The following METAP1 variants were observed in gnomAD, a reference collection of about 807,000 sequenced individuals.
METAP1 encodes methionine aminopeptidase 1.
METAP1 carries 28 observed loss-of-function variants against 53.8 expected under a neutral mutation model. The ratio of observed to expected loss-of-function variants is 0.52; its 90% CI spans 0.39 to 0.71. The LOEUF (loss-of-function observed/expected upper bound fraction) is 0.71. Among genes scored for constraint, METAP1 ranks in the 30% least tolerant of loss-of-function variants. The pLI is 0.00. For synonymous variants in METAP1, 181 were observed against 165.7 expected, an observed-to-expected ratio of 1.09 and a Z score of -0.71; for missense variants, 389 against 479.8, an observed-to-expected ratio of 0.81 and a Z score of 1.77.
chr4:99,043,721 G>A (rs1036255410), intron 7 of METAP1, among the ~76,000 whole-genome samples: 3 of 152,102 alleles, frequency 2.0e-5, no homozygotes, highest in African/African-American at 4.8e-5. Flanking sequence ...AGAGACCAGG[G>A]CAGGCTTTGT....
At chr4:99,028,951 T>A (rs1376332897) in intron 2 of METAP1, 33 bp downstream of exon 2, 1 of 1,423,014 alleles carries the variant, frequency 7.0e-7, no homozygotes. Flanking sequence ...ACACCATTTG[T>A]CTTAGAAGTG....
intron 1 of METAP1, among the ~76,000 whole-genome samples, chr4:99,004,593 A>C (rs1030015879): frequency 6.6e-6 from 1 of 152,188 alleles, no homozygotes; most frequent in Non-Finnish European, 1.5e-5. Flanking sequence ...CTAACTTATT[A>C]AAAAGAACAT....
At chr4:99,035,976 C>A (rs1038966613) in intron 4 of METAP1, 1 of 154,384 alleles carries the variant, frequency 6.5e-6, no homozygotes, top group African/African-American at 2.4e-5. Flanking sequence ...GTTCTTTGCA[C>A]GTGTTACTCC....
chr4:98,995,908 AC>A, intron 1 of METAP1, 41 bp downstream of exon 1: 1 of 1,457,810 alleles, frequency 6.9e-7, no homozygotes, highest in East Asian at 2.6e-5. Context: ...CCGCTGCGGG[AC>A]CCCTCCTCGC....
chr4:99,050,254 G>C (rs1254574055), intron 9 of METAP1, among the ~76,000 whole-genome samples: 4 of 152,212 alleles, frequency 2.6e-5, no homozygotes, highest in African/African-American at 9.7e-5. Flanking sequence ...AGGCAGTCCA[G>C]GTGTGCCAAA....
At chr4:99,025,266 A>G in intron 1 of METAP1, 1 of 648,562 alleles carries the variant, frequency 1.5e-6, no homozygotes, top group Non-Finnish European at 1.9e-6. Context: ...GCCTATGCCT[A>G]GGAATGAACA....
intron 9 of METAP1, among the ~76,000 whole-genome samples, chr4:99,052,700 C>T (rs1272130024): frequency 2.0e-5 from 3 of 152,208 alleles, no homozygotes; most frequent in African/African-American, 7.2e-5. Context: ...GGTAGGAACA[C>T]AGATCCAAAC....
chr4:99,048,603 C>T, intron 8 of METAP1, 130 bp from the exon 9 acceptor site: 1 of 982,896 alleles, frequency 1.0e-6, no homozygotes, highest in South Asian at 1.6e-5. Flanking sequence ...CTCCTGAGCT[C>T]AGGCGATCTT....
chr4:99,020,430 A>G (rs542567198), intron 1 of METAP1, among the ~76,000 whole-genome samples: 8 of 152,104 alleles, frequency 5.3e-5, no homozygotes, highest in South Asian at 2.1e-4. Flanking sequence ...ACATTGTTCT[A>G]TCTCTCTCTG....
intron 1 of METAP1, among the ~76,000 whole-genome samples, chr4:99,001,777 A>G (rs1450346469): frequency 6.6e-6 from 1 of 152,252 alleles, no homozygotes; most frequent in Non-Finnish European, 1.5e-5. Flanking sequence ...GATTTGGTAC[A>G]TGAACCCAGA....
intron 1 of METAP1, chr4:99,023,398 GTA>G (rs1724294189): frequency 1.1e-6 from 1 of 872,952 alleles, no homozygotes; most frequent in East Asian, 1.2e-4. Flanking sequence ...TATATATTAA[GTA>G]TTTGTAAGTA....
intron 10 of METAP1, among the ~76,000 whole-genome samples, chr4:99,059,682 CA>C (rs1412470158): frequency 3.9e-5 from 6 of 152,110 alleles, no homozygotes; most frequent in African/African-American, 1.5e-4. Context: ...ACCTCTGCTT[CA>C]CATTCTCTTG....
chr4:99,021,421 G>A (rs1480767758), intron 1 of METAP1, among the ~76,000 whole-genome samples: 1 of 152,088 alleles, frequency 6.6e-6, no homozygotes, highest in East Asian at 1.9e-4. Context: ...TCTCCCTGGG[G>A]CTGCTGCAGC....
chr4:98,998,592 C>T (rs1217799978), intron 1 of METAP1, among the ~76,000 whole-genome samples: 2 of 152,170 alleles, frequency 1.3e-5, no homozygotes, highest in African/African-American at 2.4e-5. Context: ...CTTAACACTT[C>T]TGTGATCACT....
At chr4:99,014,675 A>G (rs1411154380) in intron 1 of METAP1, among the ~76,000 whole-genome samples, 2 of 152,060 alleles carry the variant, frequency 1.3e-5, no homozygotes, top group African/African-American at 2.4e-5. Flanking sequence ...GGTGTTTCCT[A>G]TTTTTGTTGA....
chr4:99,039,584 G>A, intron 5 of METAP1, 119 bp downstream of exon 5: 1 of 520,956 alleles, frequency 1.9e-6, no homozygotes, highest in Non-Finnish European at 3.2e-6. Context: ...GACCAGCCAT[G>A]CTTTTTTTTT....
At chr4:99,060,585 A>T (rs537951363) in intron 10 of METAP1, among the ~76,000 whole-genome samples, 2 of 151,894 alleles carry the variant, frequency 1.3e-5, no homozygotes, top group Admixed American at 6.6e-5. Context: ...GGATGGTCTC[A>T]ATCTCCTGAC....
chr4:99,043,510 C>A, intron 7 of METAP1, 123 bp downstream of exon 7: 1 of 978,606 alleles, frequency 1.0e-6, no homozygotes, highest in Non-Finnish European at 1.5e-6. Flanking sequence ...TTTTAAAATT[C>A]AGTATCACTA....
chr4:98,997,226 C>T (rs1366724773), intron 1 of METAP1, among the ~76,000 whole-genome samples: 1 of 152,178 alleles, frequency 6.6e-6, no homozygotes, highest in African/African-American at 2.4e-5. Context: ...TAAATACAAT[C>T]TTTACGTCAC....
Sources: allele counts gnomAD v4.1 joint callset (sites outside exome capture counted in the v4.1 genomes callset), GRCh38; gene constraint gnomAD v4.1.1; transcripts MANE v1.5; gene names NCBI Gene and HGNC (gene_info 2026-07-23, HGNC 2026-07-21).